The following ALKBH5 variants were observed in gnomAD, a reference collection of about 807,000 sequenced individuals.
The protein encoded by ALKBH5 is alkB homolog 5, RNA demethylase.
Under a neutral mutation model 32.1 loss-of-function variants are expected in ALKBH5, and 2 were observed. That is an observed-to-expected ratio of 0.06 (90% CI 0.03 to 0.20). The LOEUF (loss-of-function observed/expected upper bound fraction) is 0.20. Among genes scored for constraint, ALKBH5 ranks in the 10% least tolerant of loss-of-function variants. The pLI is 1.00. For missense variants in ALKBH5, 352 were observed against 559.5 expected (o/e 0.63, Z 3.74); for synonymous variants, 300 against 231.7 (o/e 1.29, Z -2.68).
At chr17:18,204,965 C>T (rs144161114) in intron 2 of ALKBH5, among the ~76,000 whole-genome samples, 13 of 151,894 alleles carry the variant, frequency 8.6e-5, no homozygotes, top group Non-Finnish European at 1.9e-4. Context: ...CAGGAGGATC[C>T]CTTAAGCCTA....
chr17:18,185,044 G>A, intron 1 of ALKBH5, 31 bp downstream of exon 1: 1 of 1,586,818 alleles, frequency 6.3e-7, no homozygotes, highest in Non-Finnish European at 8.6e-7. Flanking sequence ...GGGCGGCCCT[G>A]CGCCTGCTGC....
intron 1 of ALKBH5, among the ~76,000 whole-genome samples, chr17:18,192,936 G>A (rs921647303): frequency 2.1e-4 from 30 of 144,470 alleles, no homozygotes; most frequent in Admixed American, 1.9e-3. Flanking sequence ...CTCGGCTCAC[G>A]GCAACCTCCA....
chr17:18,202,750 G>A (rs1441666875), intron 2 of ALKBH5, among the ~76,000 whole-genome samples: 1 of 151,884 alleles, frequency 6.6e-6, no homozygotes, highest in Non-Finnish European at 1.5e-5. Context: ...GCACTGAGGA[G>A]GGCCCACCTG....
chr17:18,206,654 C>A (rs1054832103), intron 2 of ALKBH5, 161 bp from the exon 3 acceptor site: 29 of 743,944 alleles, frequency 3.9e-5, no homozygotes, highest in Middle Eastern at 4.0e-4. Context: ...GTCAGCTAGA[C>A]CAATCTCTAG....
chr17:18,195,593 T>C (rs2142478021), intron 2 of ALKBH5, among the ~76,000 whole-genome samples: 1 of 152,340 alleles, frequency 6.6e-6, no homozygotes, highest in East Asian at 1.9e-4. Flanking sequence ...CCAGCATTTA[T>C]TTCTTTCACG....
At chr17:18,206,656 A>G in intron 2 of ALKBH5, 159 bp from the exon 3 acceptor site, 2 of 748,512 alleles carry the variant, frequency 2.7e-6, no homozygotes, top group Non-Finnish European at 4.5e-6. Context: ...CAGCTAGACC[A>G]ATCTCTAGTT....
chr17:18,198,279 T>A (rs72827444), intron 2 of ALKBH5, among the ~76,000 whole-genome samples: 2,616 of 152,298 alleles, frequency 0.017, 46 homozygotes, highest in Non-Finnish European at 0.024. Context: ...TTTTCAAATC[T>A]GCATTCTGTA....
chr17:18,203,696 T>G (rs560663977), intron 2 of ALKBH5, among the ~76,000 whole-genome samples: 19 of 152,370 alleles, frequency 1.2e-4, no homozygotes, highest in Admixed American at 7.2e-4. Context: ...GGTTGCCTTT[T>G]AACAGGGGCA....
Position 18,207,029 on chromosome 17 carries a change from G to A in ALKBH5, c.1007+59G>A, listed in dbSNP as rs114534829. On this transcript the variant is annotated intron_variant, in intron 3 of 3. Transcript: ENST00000399138. ...AAAGGCCTGGCTGCAGGGTGAGAAG[G>A]GTGGAGAAGCCTGGGGTAGGCTGTT... 5,580 of 1,585,872 alleles carry A rather than the reference G, an allele frequency of 3.5e-3. 172 individuals carry two copies. In the African/African-American group the frequency reaches 0.067, roughly 19 times the overall value.
At position 18,208,205 on chromosome 17, in the gene ALKBH5, CCCTTT is replaced by C; in HGVS notation, c.1008-9_1008-5del. On this transcript the variant is annotated splice_polypyrimidine_tract_variant and intron_variant, in intron 3 of 3. Transcript: ENST00000399138. Reference sequence around the variant, plus strand: ...CAGCCTCTCAGATAACGTCCTACCTCCCTTTCCTTGCAGGCCACGGATCCTGGAGA... The same window carrying C: ...CAGCCTCTCAGATAACGTCCTACCTCCCTTGCAGGCCACGGATCCTGGAGA... 6.3e-7 allele frequency: 1 copy of C among 1,598,166 alleles called. No homozygotes were observed. Among genetic ancestry groups the C allele is most frequent in the Non-Finnish European group, 8.5e-7 (1 of 1,171,178 alleles).
chr17:18,186,340 G>C (rs2047139360), intron 1 of ALKBH5, among the ~76,000 whole-genome samples: 1 of 152,208 alleles, frequency 6.6e-6, no homozygotes, highest in African/African-American at 2.4e-5. Context: ...AATGCTTTAA[G>C]ATGGGATTTC....
chr17:18,200,463 T>C (rs1005797315), intron 2 of ALKBH5, among the ~76,000 whole-genome samples: 3 of 152,162 alleles, frequency 2.0e-5, no homozygotes, highest in African/African-American at 7.2e-5. Context: ...CAAAGCAGTA[T>C]ATATAGCCCA....
At chr17:18,204,535 G>A (rs1218054450) in intron 2 of ALKBH5, among the ~76,000 whole-genome samples, 1 of 152,148 alleles carries the variant, frequency 6.6e-6, no homozygotes, top group African/African-American at 2.4e-5. Context: ...GCTGAGATGG[G>A]CAGATCGCTT....
chr17:18,184,309 CTA>C lies in ALKBH5; in HGVS notation c.69_70del (p.Tyr23Ter). The C allele has an allele frequency of 6.6e-7, 1 of 1,521,906 alleles. No homozygotes were observed. Among genetic ancestry groups the C allele is most frequent in the Non-Finnish European group, 8.8e-7 (1 of 1,137,952 alleles). 94.3% of individuals were successfully genotyped at this position (1,521,906 alleles called of 1,614,324 possible). A position where few individuals can be genotyped will look rare whatever the true frequency, so the allele number is the denominator to read the frequency against. On this transcript the variant is annotated frameshift_variant, in exon 1 of 4. Coordinates refer to ENST00000399138, the MANE Select transcript of ALKBH5 (RefSeq NM_017758.4). LOFTEE classifies it high-confidence loss of function. ...KLKSMTSRDNYKAGSREAAAA... is the reference protein window; with the variant it reads ...KLKSMTSRDNXKAGSREAAAA... ...TCAAGTCCATGACGTCCCGGGACAA[CTA>C]TAAGGCGGGCAGCCGGGAGGCCGCC...
chr17:18,202,965 T>A (rs2047250434), intron 2 of ALKBH5, among the ~76,000 whole-genome samples: 1 of 150,426 alleles, frequency 6.6e-6, no homozygotes, highest in South Asian at 2.1e-4. Context: ...TCCCAGCTAC[T>A]CATGAGGCTG....
At chr17:18,205,564 C>T (rs2047264729) in intron 2 of ALKBH5, among the ~76,000 whole-genome samples, 1 of 152,242 alleles carries the variant, frequency 6.6e-6, no homozygotes, top group Admixed American at 6.5e-5. Flanking sequence ...TAACTCTTGC[C>T]TGTCAGGCTT....
chr17:18,190,572 A>T (rs63636360), intron 1 of ALKBH5, among the ~76,000 whole-genome samples: 50 of 146,234 alleles, frequency 3.4e-4, no homozygotes, highest in Middle Eastern at 3.6e-3. Context: ...AAAAAAAAAA[A>T]TTTCAGACAC....
At chr17:18,198,660 G>A (rs1013610295) in intron 2 of ALKBH5, among the ~76,000 whole-genome samples, 1 of 152,136 alleles carries the variant, frequency 6.6e-6, no homozygotes, top group Non-Finnish European at 1.5e-5. Flanking sequence ...GGAGACCCTG[G>A]GAGCTCTGTC....
intron 2 of ALKBH5, among the ~76,000 whole-genome samples, chr17:18,202,963 A>G (rs1244569588): frequency 6.6e-6 from 1 of 151,242 alleles, no homozygotes; most frequent in Non-Finnish European, 1.5e-5. Flanking sequence ...AGTCCCAGCT[A>G]CTCATGAGGC....
Sources: allele counts gnomAD v4.1 joint callset (sites outside exome capture counted in the v4.1 genomes callset), GRCh38; gene constraint gnomAD v4.1.1; transcripts MANE v1.5; gene names NCBI Gene and HGNC (gene_info 2026-07-23, HGNC 2026-07-21).